ZFPM2: variants seen among roughly 807,000 people sequenced by gnomAD.
ZFPM2 encodes zinc finger protein, FOG family member 2, also known as zinc finger protein ZFPM2.
Under a neutral mutation model 98.6 loss-of-function variants are expected in ZFPM2, and 20 were observed. The ratio of observed to expected loss-of-function variants is 0.20; its 90% CI spans 0.14 to 0.29. The LOEUF is 0.29. Ranked by LOEUF, ZFPM2 falls within the 10% of genes least tolerant of loss-of-function variation. The pLI is 1.00. For missense variants in ZFPM2, 1,310 were observed against 1,388.6 expected, an observed-to-expected ratio of 0.94 and a Z score of 0.90; for synonymous variants, 518 against 502.7, an observed-to-expected ratio of 1.03 and a Z score of -0.41.
At chr8:105,361,862 T>C (rs1233453976) in intron 1 of ZFPM2, among the ~76,000 whole-genome samples, 1 of 152,104 alleles carries the variant, frequency 6.6e-6, no homozygotes, top group Admixed American at 6.6e-5. Context: ...TGTTTAGATA[T>C]GCAAATACTT....
intron 5 of ZFPM2, among the ~76,000 whole-genome samples, chr8:105,736,720 T>C (rs1489772907): frequency 6.6e-6 from 1 of 152,070 alleles, no homozygotes; most frequent in Non-Finnish European, 1.5e-5. Flanking sequence ...TGGAAGAACA[T>C]TTCACTAGAA....
At chr8:105,421,654 T>C (rs1311887409) in intron 2 of ZFPM2, among the ~76,000 whole-genome samples, 1 of 152,208 alleles carries the variant, frequency 6.6e-6, no homozygotes, top group East Asian at 1.9e-4. Context: ...ATTTTCTCTC[T>C]GGAAAATTAG....
intron 1 of ZFPM2, among the ~76,000 whole-genome samples, chr8:105,368,406 C>G (rs989120272): frequency 4.6e-5 from 7 of 152,096 alleles, no homozygotes; most frequent in Non-Finnish European, 8.8e-5. Flanking sequence ...GTGTGTCTTC[C>G]TTGCTGGTTT....
At chr8:105,795,389 A>C (rs1310013993) in intron 6 of ZFPM2, among the ~76,000 whole-genome samples, 2 of 151,922 alleles carry the variant, frequency 1.3e-5, no homozygotes, top group Admixed American at 6.6e-5. Flanking sequence ...GATGTTCTAC[A>C]TGAGTTCAAT....
At chr8:105,592,262 A>G (rs932978190) in intron 4 of ZFPM2, among the ~76,000 whole-genome samples, 1 of 151,990 alleles carries the variant, frequency 6.6e-6, no homozygotes, top group African/African-American at 2.4e-5. Flanking sequence ...TTGTTTTCAA[A>G]GGGTTGTCTG....
chr8:105,742,818 G>C (rs1218530893), intron 5 of ZFPM2, among the ~76,000 whole-genome samples: 2 of 151,952 alleles, frequency 1.3e-5, no homozygotes, highest in African/African-American at 2.4e-5. Flanking sequence ...GCTTGAGGCA[G>C]AAGTTGCAGT....
intron 5 of ZFPM2, among the ~76,000 whole-genome samples, chr8:105,717,460 A>G (rs1811551745): frequency 2.0e-5 from 3 of 152,108 alleles, no homozygotes; most frequent in South Asian, 2.1e-4. Context: ...TTGTTTCAAT[A>G]TCTCTGATTG....
intron 1 of ZFPM2, among the ~76,000 whole-genome samples, chr8:105,406,732 C>T (rs1490302844): frequency 2.0e-5 from 3 of 151,864 alleles, no homozygotes; most frequent in East Asian, 1.9e-4. Flanking sequence ...TTGAGAGTGG[C>T]GCTTGAAAGG....
chr8:105,653,467 A>AC lies in ZFPM2; in HGVS notation c.532+19111dup, dbSNP rs1305659601. Among the ~76,000 whole-genome samples, 5 of 152,334 alleles carry AC rather than the reference A, an allele frequency of 3.3e-5. No individual in the cohort carries two copies. In the East Asian group the frequency reaches 9.7e-4, roughly 29 times the overall value. ...AATTATTCCGCCTTTTAAAAATTTG[A>AC]CTAATGTCTTACTACTTAACACATA... On this transcript the variant is annotated intron_variant, in intron 5 of 7. Coordinates refer to ENST00000407775, the MANE Select transcript of ZFPM2 (RefSeq NM_012082.4).
intron 3 of ZFPM2, among the ~76,000 whole-genome samples, chr8:105,524,468 G>T (rs924339999): frequency 1.2e-4 from 18 of 151,606 alleles, no homozygotes; most frequent in African/African-American, 4.4e-4. Flanking sequence ...GTGTGTGTGT[G>T]TATGTGTGTG....
chr8:105,568,660 C>T (rs1316988715), intron 4 of ZFPM2, among the ~76,000 whole-genome samples: 2 of 152,110 alleles, frequency 1.3e-5, no homozygotes, highest in Admixed American at 1.3e-4. Flanking sequence ...TTACAATATT[C>T]TTCTGTTCTC....
intron 3 of ZFPM2, among the ~76,000 whole-genome samples, chr8:105,479,403 T>C (rs1813072385): frequency 6.6e-6 from 1 of 152,198 alleles, no homozygotes; most frequent in South Asian, 2.1e-4. Flanking sequence ...AGATAACTTT[T>C]TTTAAAAAGT....
intron 3 of ZFPM2, among the ~76,000 whole-genome samples, chr8:105,550,056 T>A (rs934726405): frequency 2.0e-5 from 3 of 152,186 alleles, no homozygotes; most frequent in Non-Finnish European, 4.4e-5. Flanking sequence ...TTCATTGTCT[T>A]AAACCAATGA....
chr8:105,560,403 T>C (rs1586463427), intron 3 of ZFPM2, among the ~76,000 whole-genome samples: 1 of 152,120 alleles, frequency 6.6e-6, no homozygotes, highest in Non-Finnish European at 1.5e-5. Context: ...ACAATGAAGT[T>C]AGGTTACTGA....
chr8:105,659,544 G>A (rs140222343), intron 5 of ZFPM2, among the ~76,000 whole-genome samples: 1 of 152,098 alleles, frequency 6.6e-6, no homozygotes, highest in Non-Finnish European at 1.5e-5. Context: ...GAGAGGGGTG[G>A]CATAAAACAA....
chr8:105,690,216 A>T (rs1309070341), intron 5 of ZFPM2, among the ~76,000 whole-genome samples: 1 of 152,232 alleles, frequency 6.6e-6, no homozygotes, highest in Non-Finnish European at 1.5e-5. Context: ...TAAGCTGAAC[A>T]TGTAAAAGCA....
At chr8:105,737,007 C>G (rs958757234) in intron 5 of ZFPM2, among the ~76,000 whole-genome samples, 1 of 151,810 alleles carries the variant, frequency 6.6e-6, no homozygotes, top group Non-Finnish European at 1.5e-5. Flanking sequence ...ATTCTTAATT[C>G]ATTCAGCTAC....
intron 3 of ZFPM2, among the ~76,000 whole-genome samples, chr8:105,509,319 G>A (rs1476829263): frequency 6.6e-6 from 1 of 152,096 alleles, no homozygotes; most frequent in East Asian, 1.9e-4. Flanking sequence ...CCCTGCAGTG[G>A]AAGGGATCCC....
intron 1 of ZFPM2, among the ~76,000 whole-genome samples, chr8:105,337,750 A>ATAATTCTTTT (rs1812355133): frequency 4.4e-5 from 3 of 68,306 alleles, no homozygotes; most frequent in African/African-American, 2.7e-4. Flanking sequence ...GTCATAGTTC[A>ATAATTCTTTT]TGTTTTTTTT....
Sources: allele counts gnomAD v4.1 joint callset (sites outside exome capture counted in the v4.1 genomes callset), GRCh38; gene constraint gnomAD v4.1.1; transcripts MANE v1.5; gene names NCBI Gene and HGNC (gene_info 2026-07-23, HGNC 2026-07-21).